Variants in IGSF5 observed in about 807,000 individuals in gnomAD.
IGSF5 encodes the protein immunoglobulin superfamily 5 like.
IGSF5 carries 41 observed loss-of-function variants against 39.4 expected under a neutral mutation model. The ratio of observed to expected loss-of-function variants is 1.04; its 90% CI spans 0.81 to 1.35. The LOEUF is 1.35. Among genes scored for constraint, IGSF5 ranks in the 40% most tolerant of loss-of-function variants. IGSF5 has a pLI of 0.00. For synonymous variants in IGSF5, 183 were observed against 175.3 expected, an observed-to-expected ratio of 1.04 and a Z score of -0.34; for missense variants, 487 against 494.6, an observed-to-expected ratio of 0.98 and a Z score of 0.15.
At chr21:39,755,266 G>A (rs1481271604) in intron 2 of IGSF5, among the ~76,000 whole-genome samples, 1 of 152,144 alleles carries the variant, frequency 6.6e-6, no homozygotes, top group Non-Finnish European at 1.5e-5. Context: ...GACTACTTGT[G>A]GAGTTGTGTT....
intron 3 of IGSF5, among the ~76,000 whole-genome samples, chr21:39,769,467 C>CAAAAAAAAAAAAAAAAAAAAAAAAAAA (rs34427585): frequency 1.3e-5 from 1 of 79,844 alleles, no homozygotes; most frequent in Non-Finnish European, 2.4e-5. Flanking sequence ...AAGTCTGTCT[C>CAAAAAAAAAAAAAAAAAAAAAAAAAAA]AAAAAAAAAA....
the IGSF5 span, among the ~76,000 whole-genome samples, chr21:39,739,978 T>C: frequency 2.6e-5 from 4 of 152,158 alleles, no homozygotes; most frequent in Non-Finnish European, 4.4e-5. Flanking sequence ...GTCCAGTAAA[T>C]AACAATTTGG....
chr21:39,759,339 G>A (rs751944448), intron 2 of IGSF5, among the ~76,000 whole-genome samples: 18 of 152,286 alleles, frequency 1.2e-4, no homozygotes, highest in South Asian at 4.1e-4. Flanking sequence ...AATGCAAAAC[G>A]TTCTGGAGGT....
intron 8 of IGSF5, among the ~76,000 whole-genome samples, chr21:39,796,885 C>T (rs932183219): frequency 6.6e-6 from 1 of 152,200 alleles, no homozygotes; most frequent in Non-Finnish European, 1.5e-5. Context: ...GCAGGCACAA[C>T]AGCAACTAAA....
chr21:39,749,338 G>A (rs953286647), intron 2 of IGSF5, among the ~76,000 whole-genome samples: 2 of 151,730 alleles, frequency 1.3e-5, no homozygotes, highest in South Asian at 4.2e-4. Context: ...TCAGCCTCCC[G>A]AGTAGCTGGA....
At chr21:39,771,618 A>T (rs1400859667) in intron 4 of IGSF5, among the ~76,000 whole-genome samples, 6 of 152,176 alleles carry the variant, frequency 3.9e-5, no homozygotes, top group Non-Finnish European at 5.9e-5. Context: ...GTCTCCCTGG[A>T]TTTCTTCCAA....
At chr21:39,712,195 A>T in the IGSF5 span, among the ~76,000 whole-genome samples, 1 of 152,140 alleles carries the variant, frequency 6.6e-6, no homozygotes, top group Non-Finnish European at 1.5e-5. Flanking sequence ...GCAGGAGATT[A>T]TCTCCAAGCT....
At chr21:39,740,917 A>G (rs1476925581), upstream of IGSF5, among the ~76,000 whole-genome samples, 1 of 152,036 alleles carries the variant, frequency 6.6e-6, no homozygotes, top group African/African-American at 2.4e-5. Context: ...ACACAGTAAG[A>G]TTTCTTCCCT....
At chr21:39,756,971 C>T (rs1239948236) in intron 2 of IGSF5, among the ~76,000 whole-genome samples, 3 of 152,030 alleles carry the variant, frequency 2.0e-5, no homozygotes, top group African/African-American at 7.2e-5. Flanking sequence ...TGAACTCTGA[C>T]CTCACTCCTT....
At chr21:39,715,319 A>G in the IGSF5 span, among the ~76,000 whole-genome samples, 1 of 151,886 alleles carries the variant, frequency 6.6e-6, no homozygotes, top group Non-Finnish European at 1.5e-5. Context: ...GGGTTTCACC[A>G]TGTTGCTCAG....
At chr21:39,717,912 T>C in the IGSF5 span, among the ~76,000 whole-genome samples, 1 of 152,250 alleles carries the variant, frequency 6.6e-6, no homozygotes, top group African/African-American at 2.4e-5. Context: ...TAACATTGAA[T>C]CTGTAAATTG....
In IGSF5 at chr21:39,748,466, A is replaced by G. The variant is rs574391354; in HGVS notation, c.100+2168A>G. Among the ~76,000 whole-genome samples the G allele has an allele frequency of 4.0e-5, 6 of 151,832 alleles. No homozygotes were observed. In the East Asian group the frequency reaches 1.2e-3, roughly 29 times the overall value. On this transcript the variant is annotated intron_variant, in intron 2 of 8. Coordinates refer to ENST00000380588, the MANE Select transcript of IGSF5 (RefSeq NM_001080444.2). Reference sequence around the variant, plus strand: ...GCTGGGACTACAGGCACGTGCCATCACATCCGGCTAATTTTTGTGTTATTA... The same window carrying G: ...GCTGGGACTACAGGCACGTGCCATCGCATCCGGCTAATTTTTGTGTTATTA...
At chr21:39,751,557 C>T (rs2080005684) in intron 2 of IGSF5, among the ~76,000 whole-genome samples, 2 of 147,856 alleles carry the variant, frequency 1.4e-5, no homozygotes, top group Admixed American at 6.7e-5. Context: ...CAGTGAGTGT[C>T]GCTTTCACAG....
the IGSF5 span, among the ~76,000 whole-genome samples, chr21:39,737,471 C>T: frequency 2.6e-5 from 4 of 152,220 alleles, no homozygotes; most frequent in Non-Finnish European, 4.4e-5. Context: ...TCTGCATGTC[C>T]AGGCCTCCAG....
intron 5 of IGSF5, among the ~76,000 whole-genome samples, chr21:39,781,572 T>G (rs2080170848): frequency 6.6e-6 from 1 of 152,168 alleles, no homozygotes; most frequent in Admixed American, 6.5e-5. Flanking sequence ...AGCAAGGTTG[T>G]ACAATTTGCA....
intron 5 of IGSF5, among the ~76,000 whole-genome samples, chr21:39,779,841 C>G (rs1018856919): frequency 1.3e-5 from 2 of 152,138 alleles, no homozygotes; most frequent in East Asian, 3.9e-4. Flanking sequence ...TAGGTGGAAT[C>G]TAAAAAAGCC....
intron 4 of IGSF5, among the ~76,000 whole-genome samples, chr21:39,774,343 C>A (rs1295207397): frequency 1.3e-5 from 2 of 152,166 alleles, no homozygotes; most frequent in Admixed American, 1.3e-4. Context: ...TATAAACATC[C>A]ATTTTTCCAC....
chr21:39,722,586 C>T, the IGSF5 span: 1 of 152,054 alleles, frequency 6.6e-6, no homozygotes, highest in African/African-American at 2.4e-5. Flanking sequence ...GTATTAAGCC[C>T]CCAGTATTTT....
At chr21:39,725,051 C>T in the IGSF5 span, among the ~76,000 whole-genome samples, 6 of 152,228 alleles carry the variant, frequency 3.9e-5, no homozygotes, top group Non-Finnish European at 8.8e-5. Context: ...TGACACACAA[C>T]GTTCAGTAAA....
Sources: allele counts gnomAD v4.1 joint callset (sites outside exome capture counted in the v4.1 genomes callset), GRCh38; gene constraint gnomAD v4.1.1; transcripts MANE v1.5; gene names NCBI Gene and HGNC (gene_info 2026-07-23, HGNC 2026-07-21).